Variants in RARS1 observed in about 807,000 individuals in gnomAD.
The protein encoded by RARS1 is arginine--tRNA ligase, cytoplasmic.
In RARS1, 75 loss-of-function variants were observed where a neutral mutation model predicts 78.7. That is an observed-to-expected ratio of 0.95 (90% CI 0.79 to 1.15). The LOEUF (loss-of-function observed/expected upper bound fraction) is 1.15, where lower values mean the gene tolerates loss of function less well. Ranked by LOEUF, RARS1 falls within the 50% of genes most tolerant of loss-of-function variation. The pLI is 0.00. For synonymous variants in RARS1, 273 were observed against 268.2 expected (o/e 1.02, Z -0.18); for missense variants, 787 against 787.5 (o/e 1.00, Z 0.01).
intron 6 of RARS1, among the ~76,000 whole-genome samples, chr5:168,495,664 C>T (rs971435415): frequency 6.6e-6 from 1 of 152,052 alleles, no homozygotes; most frequent in African/African-American, 2.4e-5. Context: ...GAACCAAGGA[C>T]AAAACTCCTT....
intron 5 of RARS1, chr5:168,495,019 C>G: frequency 3.4e-6 from 1 of 298,444 alleles, no homozygotes; most frequent in East Asian, 7.3e-5. Context: ...TTTTTTTTCA[C>G]TTAATTCCAC....
chr5:168,493,105 C>T, intron 3 of RARS1: 1 of 336,158 alleles, frequency 3.0e-6, no homozygotes. Flanking sequence ...TAGGTATTTC[C>T]CTCCTGCTGT....
intron 12 of RARS1, among the ~76,000 whole-genome samples, chr5:168,515,149 A>G (rs1758638730): frequency 1.3e-5 from 2 of 152,006 alleles, no homozygotes; most frequent in South Asian, 4.2e-4. Context: ...TAAAGTTAGT[A>G]TTTTCCCCCT....
intron 1 of RARS1, among the ~76,000 whole-genome samples, chr5:168,486,910 A>G (rs150924504): frequency 4.7e-4 from 71 of 152,260 alleles, no homozygotes; most frequent in Middle Eastern, 3.4e-3. Flanking sequence ...GGGGGAATAC[A>G]TTCAGAGCTC....
chr5:168,487,129 G>A (rs988947682), intron 1 of RARS1, among the ~76,000 whole-genome samples: 8 of 152,118 alleles, frequency 5.3e-5, no homozygotes, highest in African/African-American at 1.9e-4. Flanking sequence ...TTGGGAGGCC[G>A]AGGTGGGCGG....
intron 4 of RARS1, 145 bp from the exon 5 acceptor site, chr5:168,494,405 A>G (rs1345919980): frequency 6.9e-7 from 1 of 1,458,912 alleles, no homozygotes; most frequent in East Asian, 2.4e-5. Flanking sequence ...GGAGCTTACA[A>G]GACAGCTTAA....
chr5:168,502,396 T>TTTTA (rs1758348883), intron 9 of RARS1, among the ~76,000 whole-genome samples: 1 of 143,718 alleles, frequency 7.0e-6, no homozygotes, highest in African/African-American at 2.6e-5. Context: ...TTTTTTTTTT[T>TTTTA]AAAACAATCT....
Position 168,497,282 on chromosome 5 carries a change from G to T in RARS1, c.756G>T (p.Leu252=), listed in dbSNP as rs1381953258. The T allele has an allele frequency of 1.3e-6, 2 of 1,592,210 alleles. No homozygotes were observed. Among genetic ancestry groups the T allele is most frequent in the Non-Finnish European group, 1.7e-6 (2 of 1,168,222 alleles). ...GTQFGMLIAH[L]QDKFPDYLTV... Reference sequence around the variant, plus strand: ...AGTTTGGCATGCTCATCGCTCACCTGCAAGACAAATTTCCAGATTATCTAA... The same window carrying T: ...AGTTTGGCATGCTCATCGCTCACCTTCAAGACAAATTTCCAGATTATCTAA... The change falls in exon 7 of 15, where the codon CTG becomes CTT. Residue 252 remains leucine (L), a synonymous_variant. Coordinates refer to ENST00000231572, the MANE Select transcript of RARS1 (RefSeq NM_002887.4).
intron 9 of RARS1, 89 bp from the exon 10 acceptor site, chr5:168,505,932 A>G (rs929483948): frequency 2.8e-6 from 3 of 1,069,728 alleles, no homozygotes; most frequent in Non-Finnish European, 4.1e-6. Context: ...TCTTAGAATA[A>G]CTAAATATTT....
At chr5:168,513,476 C>T (rs957796374) in intron 12 of RARS1, among the ~76,000 whole-genome samples, 11 of 152,248 alleles carry the variant, frequency 7.2e-5, no homozygotes, top group Non-Finnish European at 1.5e-4. Flanking sequence ...CATGCCAACA[C>T]ACCAAGCTAA....
chr5:168,503,928 CA>C (rs1758380261), intron 9 of RARS1, among the ~76,000 whole-genome samples: 2 of 151,616 alleles, frequency 1.3e-5, no homozygotes, highest in Admixed American at 1.3e-4. Context: ...ACAAAATTAA[CA>C]AAAGAAGTAG....
At chr5:168,490,094 G>C (rs547396450) in intron 2 of RARS1, among the ~76,000 whole-genome samples, 1 of 152,274 alleles carries the variant, frequency 6.6e-6, no homozygotes, top group East Asian at 1.9e-4. Context: ...GATTACAGGC[G>C]TGAGCCACCG....
At position 168,510,248 on chromosome 5, in the gene RARS1, C is replaced by G. The variant is rs72830973; in HGVS notation, c.1347-333C>G. Reference sequence around the variant, plus strand: ...AGAAAGCAAACAAATTAACAAATATCTTCTTTCTCTGTTAGGAAACTTATT... The same window carrying G: ...AGAAAGCAAACAAATTAACAAATATGTTCTTTCTCTGTTAGGAAACTTATT... On this transcript the variant is annotated intron_variant, in intron 11 of 14. Coordinates refer to ENST00000231572, the MANE Select transcript of RARS1 (RefSeq NM_002887.4). 0.13 allele frequency among the ~76,000 whole-genome samples: 19,381 copies of G among 152,222 alleles called. 1,699 individuals are homozygous for G. Among genetic ancestry groups the G allele is most frequent in the Non-Finnish European group, 0.19 (13,042 of 68,002 alleles).
At chr5:168,488,473 C>CA in intron 1 of RARS1, 129 bp from the exon 2 acceptor site, 1 of 1,093,744 alleles carries the variant, frequency 9.1e-7, no homozygotes, top group African/African-American at 1.6e-5. Context: ...GCAAAAATCT[C>CA]AGAGGAGAAA....
In RARS1 at chr5:168,500,642, C is replaced by T. The variant is rs1351367073; in HGVS notation, c.874C>T (p.Gln292Ter). The T allele has an allele frequency of 1.9e-6, 3 of 1,607,636 alleles. No individual in the cohort carries two copies. Among genetic ancestry groups the T allele is most frequent in the Non-Finnish European group, 2.5e-6 (3 of 1,177,952 alleles). Residue 292 changes from glutamine to a stop codon, truncating the protein, a stop_gained, in exon 8 of 15, where the codon CAG becomes TAG. Coordinates refer to ENST00000231572, the MANE Select transcript of RARS1 (RefSeq NM_002887.4). LOFTEE classifies it high-confidence loss of function. ...TEEEFKKRAY[Q>*]CVVLLQGKNP... Reference sequence around the variant, plus strand: ...GGAGGAATTTAAGAAGCGAGCATATCAGTGTGTAGTTCTGCTCCAGGGTAA... The same window carrying T: ...GGAGGAATTTAAGAAGCGAGCATATTAGTGTGTAGTTCTGCTCCAGGGTAA...
At position 168,500,645 on chromosome 5, in the gene RARS1, T is replaced by G; in HGVS notation, c.877T>G (p.Cys293Gly). The G allele has an allele frequency of 1.9e-6, 3 of 1,609,108 alleles. No individual in the cohort carries two copies. Among genetic ancestry groups the G allele is most frequent in the Non-Finnish European group, 2.5e-6 (3 of 1,178,460 alleles). The part of the protein sequence containing the change: ...EEEFKKRAYQ[C>G]VVLLQGKNPD... ...GGAATTTAAGAAGCGAGCATATCAG[T>G]GTGTAGTTCTGCTCCAGGGTAAAAA... is the stretch of plus-strand genomic sequence containing the variant. Residue 293 changes from cysteine to glycine, a missense_variant, in exon 8 of 15, where the codon TGT (cysteine) becomes GGT (glycine). Transcript: ENST00000231572.
At chr5:168,489,603 T>A (rs567565511) in intron 2 of RARS1, among the ~76,000 whole-genome samples, 14 of 152,288 alleles carry the variant, frequency 9.2e-5, no homozygotes, top group African/African-American at 3.1e-4. Context: ...TTTAAAAAAA[T>A]GAACTTGCTG....
Position 168,502,023 on chromosome 5 carries a change from A to G in RARS1, c.975A>G (p.Ala325=), listed in dbSNP as rs746433303. The G allele has an allele frequency of 1.9e-6, 3 of 1,594,704 alleles. No individual in the cohort carries two copies. The highest frequency in any genetic ancestry group is 1.2e-5 in the South Asian group (1 of 86,618). The part of the protein sequence containing the change: ...SRQELNKIYD[A]LDVSLIERGE... ...TAGAGTTAAATAAAATCTATGATGC[A>G]TTGGACGTCTCTTTAATAGAGAGAG... Residue 325 remains alanine, a synonymous_variant, in exon 9 of 15, where the codon GCA becomes GCG. Coordinates refer to ENST00000231572, the MANE Select transcript of RARS1 (RefSeq NM_002887.4).
In RARS1 at chr5:168,486,521, G is replaced by A. The variant is rs779497127; in HGVS notation, c.23G>A (p.Cys8Tyr). The change falls in exon 1 of 15, where the codon TGC (cysteine) becomes TAC (tyrosine). Residue 8 changes from cysteine (C) to tyrosine (Y), a missense_variant. Transcript: ENST00000231572. The stretch of plus-strand genomic sequence containing the variant: ...AGGATGGACGTACTGGTGTCTGAGT[G>A]CTCCGCGCGGCTGCTGCAGCAGGTT... MDVLVSECSARLLQQEEE... is the reference protein window; with the variant it reads MDVLVSEYSARLLQQEEE... The A allele has an allele frequency of 1.9e-6, 3 of 1,558,876 alleles. No homozygotes were observed. Among genetic ancestry groups the A allele is most frequent in the Admixed American group, 2.0e-5 (1 of 51,192 alleles).
Sources: allele counts gnomAD v4.1 joint callset (sites outside exome capture counted in the v4.1 genomes callset), GRCh38; gene constraint gnomAD v4.1.1; transcripts MANE v1.5; gene names NCBI Gene and HGNC (gene_info 2026-07-23, HGNC 2026-07-21).